The following FHL1 variants were observed in gnomAD, a reference collection of about 807,000 sequenced individuals.
The protein encoded by FHL1 is four and a half LIM domains 1.
FHL1 carries 1 observed loss-of-function variant against 20.3 expected under a neutral mutation model. The observed-to-expected ratio is 0.05, with a 90% CI of 0.02 to 0.23. FHL1 has a LOEUF of 0.23. Ranked by LOEUF, FHL1 falls within the 10% of genes least tolerant of loss-of-function variation. FHL1 has a pLI of 1.00. For synonymous variants in FHL1, 82 were observed against 88.9 expected, an observed-to-expected ratio of 0.92 and a Z score of 0.44; for missense variants, 177 against 234.0, an observed-to-expected ratio of 0.76 and a Z score of 1.59.
chrX:136,181,171 G>A (rs1174262984), intron 2 of FHL1, among the ~76,000 whole-genome samples: 7 of 112,786 alleles, frequency 6.2e-5, no homozygotes, highest in Non-Finnish European at 1.1e-4. Flanking sequence ...AAGGTCCACA[G>A]CAGGACCATT....
At position 136,208,509 on chromosome X, in the gene FHL1, T is replaced by C. The variant is rs747435373; in HGVS notation, c.604T>C (p.Phe202Leu). 2 of 1,211,542 alleles carry C rather than the reference T, an allele frequency of 1.7e-6. No individual in the cohort carries two copies. The highest frequency in any genetic ancestry group is 3.5e-5 in the South Asian group (2 of 56,958). Residue 202 changes from phenylalanine (F) to leucine (L), a missense_variant, in exon 5 of 6, where the codon TTT becomes CTT. Physicochemically the swap from Phe to Leu is conservative, Grantham distance 22. Coordinates refer to ENST00000370683, the MANE Select transcript of FHL1 (RefSeq NM_001159699.2). ...GGATCAGCCCTGGCATGCCGATTGC[T>C]TTGTGTGTGTTACCTGCTCTAAGAA... ...YQDQPWHADC[F>L]VCVTCSKKLA...
chrX:136,179,003 C>T (rs183657632), intron 2 of FHL1, among the ~76,000 whole-genome samples: 100 of 111,758 alleles, frequency 8.9e-4, no homozygotes, highest in African/African-American at 3.1e-3. Context: ...GTGATCCACC[C>T]GCCTTGGACT....
upstream of FHL1, among the ~76,000 whole-genome samples, chrX:136,165,135 T>C (rs1337758454): frequency 3.6e-5 from 4 of 111,972 alleles, no homozygotes; most frequent in Non-Finnish European, 5.6e-5. Flanking sequence ...AAAACTGGAC[T>C]TTATTATATT....
At chrX:136,172,735 A>G (rs1431223628) in intron 2 of FHL1, among the ~76,000 whole-genome samples, 1 of 112,278 alleles carries the variant, frequency 8.9e-6, no homozygotes, top group East Asian at 2.8e-4. Flanking sequence ...TTGTTCTTTT[A>G]TTTTTTATTT....
In FHL1 at chrX:136,210,682, A is replaced by ATG. The variant is rs1223492081; in HGVS notation, c.*658_*659dup. The ATG allele has an allele frequency of 7.7e-6, 3 of 388,676 alleles. No individual in the cohort carries two copies. The highest frequency in any genetic ancestry group is 1.5e-5 in the Non-Finnish European group (3 of 206,776). The allele number at this position is 388,676 out of a possible 1,213,427, so 32.0% of individuals were successfully genotyped here. On this transcript the variant is annotated 3_prime_UTR_variant, in exon 6 of 6. Transcript: ENST00000370683. Reference sequence around the variant, plus strand: ...TTTCTGAGCGTTCCTACTTTAAAGCATGGAACATGCAGGTGATTTGGGAAG... The same window carrying ATG: ...TTTCTGAGCGTTCCTACTTTAAAGCATGTGGAACATGCAGGTGATTTGGGAAG...
At chrX:136,184,300 G>T (rs1376353465) in intron 2 of FHL1, among the ~76,000 whole-genome samples, 1 of 111,635 alleles carries the variant, frequency 9.0e-6, no homozygotes, top group Non-Finnish European at 1.9e-5. Flanking sequence ...CTTTTGTTGA[G>T]GGCTTTCCAA....
rs1375893296 is a variant in FHL1, at chrX:136,210,020, CTGTAA to C, written c.887_891del (p.Leu296HisfsTer2). On this transcript the variant is annotated frameshift_variant and stop_lost, in exon 6 of 6. Coordinates refer to ENST00000370683, the MANE Select transcript of FHL1 (RefSeq NM_001159699.2). LOFTEE classifies it high-confidence loss of function. ...GTATTGTCCCGACTGTGCCAAAAAG[CTGTAA>C]ACTGACAGGGGCTCCTGTCCTGTAA... 8.3e-7 allele frequency: 1 copy of C among 1,211,280 alleles called. No homozygotes were observed. The highest frequency in any genetic ancestry group is 1.1e-6 in the Non-Finnish European group (1 of 895,422).
intron 4 of FHL1, 63 bp from the exon 5 acceptor site, chrX:136,208,392 C>A: frequency 8.8e-7 from 1 of 1,142,836 alleles, no homozygotes; most frequent in Non-Finnish European, 1.2e-6. Context: ...GTGCCTGGCA[C>A]GCAGTAGGCA....
At chrX:136,173,960 A>T (rs1490787022) in intron 2 of FHL1, among the ~76,000 whole-genome samples, 1 of 111,552 alleles carries the variant, frequency 9.0e-6, no homozygotes, top group Non-Finnish European at 1.9e-5. Context: ...GGCCTCCCAA[A>T]GTGCTAGGAT....
At chrX:136,171,759 C>T (rs776469852) in intron 2 of FHL1, among the ~76,000 whole-genome samples, 2 of 112,616 alleles carry the variant, frequency 1.8e-5, no homozygotes, top group South Asian at 7.4e-4. Flanking sequence ...ACCCCAGTGA[C>T]ATCTTTACAT....
chrX:136,210,949 G>C lies in FHL1; in HGVS notation c.*924G>C. On this transcript the variant is annotated 3_prime_UTR_variant, in exon 6 of 6. Coordinates refer to ENST00000370683, the MANE Select transcript of FHL1 (RefSeq NM_001159699.2). ...GAAGTAACCGCAAAACTCTAGAGGG[G>C]GAGTTGAGCAGGCGCCAGGGCTGTC... The C allele has an allele frequency of 2.6e-6, 1 of 381,915 alleles. No individual in the cohort carries two copies. Among genetic ancestry groups the C allele is most frequent in the Non-Finnish European group, 4.9e-6 (1 of 202,160 alleles). The allele number at this position is 381,915 out of a possible 1,213,427, so 31.5% of individuals were successfully genotyped here.
chrX:136,209,865 C>T lies in FHL1; in HGVS notation c.737-6C>T, dbSNP rs761406765. 3 of 1,205,233 alleles carry T rather than the reference C, an allele frequency of 2.5e-6. No homozygotes were observed. The highest frequency in any genetic ancestry group is 3.0e-5 in the East Asian group (1 of 33,710). On this transcript the variant is annotated splice_polypyrimidine_tract_variant and splice_region_variant and intron_variant, in intron 5 of 5. Transcript: ENST00000370683. ...TTTCTTTTCTTTTCTTTTTTTTTCC[C>T]CCCAGGGTTTGGTAAAGGCTCCAGT... is the stretch of plus-strand genomic sequence containing the variant.
chrX:136,163,220 A>G (rs964221505), intron 1 of FHL1, among the ~76,000 whole-genome samples: 22 of 112,378 alleles, frequency 2.0e-4, no homozygotes, highest in Non-Finnish European at 3.9e-4. Flanking sequence ...AGGCATCACT[A>G]GTTGCTTTGG....
At chrX:136,147,337 G>GCGCGCGCC (rs1398068150), upstream of FHL1, 51 of 98,369 alleles carry the variant, frequency 5.2e-4, 1 homozygote, top group African/African-American at 1.8e-3. Context: ...GCCGTCTCCC[G>GCGCGCGCC]CGCGCGCGCC....
intron 1 of FHL1, among the ~76,000 whole-genome samples, chrX:136,153,740 A>G (rs1055823456): frequency 3.6e-5 from 4 of 112,393 alleles, no homozygotes; most frequent in African/African-American, 1.3e-4. Flanking sequence ...TAATGACAAT[A>G]TTTTGTATGT....
chrX:136,154,204 G>A (rs909685844), intron 1 of FHL1, among the ~76,000 whole-genome samples: 1 of 112,317 alleles, frequency 8.9e-6, no homozygotes, highest in Non-Finnish European at 1.9e-5. Context: ...ACTTTTTCAT[G>A]GCCTGACCCT....
At chrX:136,169,578 T>C (rs1255760568), upstream of FHL1, 1 of 250,480 alleles carries the variant, frequency 4.0e-6, no homozygotes, top group Non-Finnish European at 7.4e-6. Flanking sequence ...TTGTTTTGAT[T>C]ACCCGGGTGA....
At chrX:136,167,990 C>T (rs1291229176), upstream of FHL1, 1 of 112,368 alleles carries the variant, frequency 8.9e-6, no homozygotes, top group Non-Finnish European at 1.9e-5. Flanking sequence ...AAATCATTAT[C>T]CACGTTTGAT....
At chrX:136,209,587 G>A in intron 5 of FHL1, 1 of 624,962 alleles carries the variant, frequency 1.6e-6, no homozygotes, top group Non-Finnish European at 2.4e-6. Flanking sequence ...GGGAACGTGG[G>A]GTCTTTACAT....
Sources: allele counts gnomAD v4.1 joint callset (sites outside exome capture counted in the v4.1 genomes callset), GRCh38; gene constraint gnomAD v4.1.1; transcripts MANE v1.5; gene names NCBI Gene and HGNC (gene_info 2026-07-23, HGNC 2026-07-21).